Variants in FAM107B observed in about 807,000 individuals in gnomAD.
FAM107B encodes the protein family with sequence similarity 107 member B.
FAM107B carries 21 observed loss-of-function variants against 31.5 expected under a neutral mutation model. That is an observed-to-expected ratio of 0.67 (90% CI 0.47 to 0.96). The LOEUF is 0.96. Among genes scored for constraint, FAM107B ranks in the 40% least tolerant of loss-of-function variants. FAM107B has a pLI of 0.00. For missense variants in FAM107B, 452 were observed against 377.1 expected (o/e 1.20, Z -1.64); for synonymous variants, 157 against 141.5 (o/e 1.11, Z -0.78).
At chr10:14,528,757 T>TA (rs372193240) in intron 3 of FAM107B, among the ~76,000 whole-genome samples, 1 of 152,168 alleles carries the variant, frequency 6.6e-6, no homozygotes, top group African/African-American at 2.4e-5. Context: ...GCCCTTTCTC[T>TA]AAAAAATGTG....
chr10:14,618,365 C>T (rs1852906165), intron 2 of FAM107B, among the ~76,000 whole-genome samples: 1 of 152,124 alleles, frequency 6.6e-6, no homozygotes, highest in Admixed American at 6.5e-5. Context: ...ATAAACATCT[C>T]ACACAGGTCT....
At chr10:14,741,174 C>A (rs1287826319) in intron 1 of FAM107B, among the ~76,000 whole-genome samples, 2 of 152,038 alleles carry the variant, frequency 1.3e-5, no homozygotes, top group African/African-American at 2.4e-5. Flanking sequence ...GGGGCAGGAA[C>A]CTGGGCTACA....
intron 1 of FAM107B, among the ~76,000 whole-genome samples, chr10:14,679,459 C>G (rs1164147266): frequency 6.6e-6 from 1 of 152,136 alleles, no homozygotes; most frequent in Admixed American, 6.5e-5. Context: ...ACTTAATGTC[C>G]TAGCAGGATT....
rs531081605 is a variant in FAM107B, at chr10:14,689,284, G to A, written c.412-21593C>T. ...AGTCCCAGCTCCTCAGGAGGCTGAG[G>A]TGGGAGGATTGCTTGAACCCAGGAG... On this transcript the variant is annotated intron_variant, in intron 1 of 4. Transcript: ENST00000181796. Among the ~76,000 whole-genome samples, 126 of 151,884 alleles carry A rather than the reference G, an allele frequency of 8.3e-4. 1 individual carries two copies. Among genetic ancestry groups the A allele is most frequent in the African/African-American group, 2.9e-3 (119 of 41,378 alleles).
At chr10:14,767,037 TATATATATATATATATATAGAGAGAGAG>T (rs1257289138) in intron 1 of FAM107B, among the ~76,000 whole-genome samples, 1 of 31,148 alleles carries the variant, frequency 3.2e-5, no homozygotes, top group Non-Finnish European at 7.4e-5. Context: ...TATATATATA[TATATATATATATATATATAGAGAGAGAG>T]AGAGAGAGAG....
chr10:14,771,417 G>A (rs143638781), intron 1 of FAM107B, among the ~76,000 whole-genome samples: 188 of 152,276 alleles, frequency 1.2e-3, no homozygotes, highest in African/African-American at 3.3e-3. Context: ...TCGATAGTAC[G>A]GTGGAGAAGT....
In FAM107B at chr10:14,762,612, T is replaced by C. The variant is rs138474955; in HGVS notation, c.411+11641A>G. ...TCTACTAAAAAGTACATAAATTAGC[T>C]GGGCATGGTTGCACACACCTGTAAT... is the stretch of plus-strand genomic sequence containing the variant. On this transcript the variant is annotated intron_variant, in intron 1 of 4. Transcript: ENST00000181796. Among the ~76,000 whole-genome samples, 920 of 151,806 alleles carry C rather than the reference T, an allele frequency of 6.1e-3. 5 individuals carry two copies. The highest frequency in any genetic ancestry group is 0.041 in the South Asian group (195 of 4,790).
intron 2 of FAM107B, among the ~76,000 whole-genome samples, chr10:14,633,054 C>T (rs1456088214): frequency 6.6e-6 from 1 of 152,064 alleles, no homozygotes; most frequent in Non-Finnish European, 1.5e-5. Flanking sequence ...CAAAAATTAG[C>T]TGGGCGTAGT....
chr10:14,766,913 G>A (rs2131596184), intron 1 of FAM107B, among the ~76,000 whole-genome samples: 1 of 149,014 alleles, frequency 6.7e-6, no homozygotes, highest in South Asian at 2.2e-4. Flanking sequence ...CCAAAGAACT[G>A]AAGAGGAGGG....
intron 1 of FAM107B, among the ~76,000 whole-genome samples, chr10:14,744,900 CTTTG>C (rs983385286): frequency 2.0e-5 from 3 of 151,878 alleles, no homozygotes; most frequent in African/African-American, 4.8e-5. Context: ...CTGGGTAGTT[CTTTG>C]TTTGTTTTTT....
intron 1 of FAM107B, among the ~76,000 whole-genome samples, chr10:14,727,638 C>T (rs1856068226): frequency 6.6e-6 from 1 of 152,210 alleles, no homozygotes; most frequent in African/African-American, 2.4e-5. Flanking sequence ...TTACATTCTT[C>T]TTAGAGGTTC....
intron 1 of FAM107B, among the ~76,000 whole-genome samples, chr10:14,749,864 C>A (rs979244650): frequency 1.3e-5 from 2 of 152,162 alleles, no homozygotes; most frequent in African/African-American, 4.8e-5. Flanking sequence ...GCCACTAGCA[C>A]GTCCACAAAG....
chr10:14,723,795 C>T (rs1347013622), intron 1 of FAM107B: 1 of 758,086 alleles, frequency 1.3e-6, no homozygotes. Flanking sequence ...CAAACTTCAG[C>T]AGGGCCCTCT....
chr10:14,553,156 T>C (rs1849410871), intron 2 of FAM107B, among the ~76,000 whole-genome samples: 1 of 152,178 alleles, frequency 6.6e-6, no homozygotes, highest in Admixed American at 6.5e-5. Flanking sequence ...TCTCCAATTG[T>C]TAAAAAATAA....
At chr10:14,595,927 C>G (rs1852174633) in intron 2 of FAM107B, among the ~76,000 whole-genome samples, 1 of 152,204 alleles carries the variant, frequency 6.6e-6, no homozygotes, top group African/African-American at 2.4e-5. Flanking sequence ...TGGCCCTCCA[C>G]AACCACAGGG....
intron 2 of FAM107B, among the ~76,000 whole-genome samples, chr10:14,648,431 C>T (rs1853820616): frequency 6.6e-6 from 1 of 152,180 alleles, no homozygotes; most frequent in South Asian, 2.1e-4. Context: ...TGTGTTCATA[C>T]CCAGCGAACT....
intron 2 of FAM107B, among the ~76,000 whole-genome samples, chr10:14,579,520 T>C (rs1325465627): frequency 6.6e-6 from 1 of 152,232 alleles, no homozygotes; most frequent in Non-Finnish European, 1.5e-5. Context: ...GGCTGGTAAC[T>C]GCCCTAAAAT....
At chr10:14,681,905 G>A (rs11259268) in intron 1 of FAM107B, among the ~76,000 whole-genome samples, 21,043 of 152,172 alleles carry the variant, frequency 0.14, 1,762 homozygotes, top group South Asian at 0.28. Context: ...GTTTAGTGTC[G>A]TGGTTGATAT....
intron 2 of FAM107B, chr10:14,604,461 A>AGCGGGGCGGCGC (rs1443134166): frequency 1.3e-5 from 2 of 152,434 alleles, no homozygotes; most frequent in African/African-American, 4.9e-5. Flanking sequence ...CGGGGCGGCA[A>AGCGGGGCGGCGC]GGCCACGCCC....
Sources: allele counts gnomAD v4.1 joint callset (sites outside exome capture counted in the v4.1 genomes callset), GRCh38; gene constraint gnomAD v4.1.1; transcripts MANE v1.5; gene names NCBI Gene and HGNC (gene_info 2026-07-23, HGNC 2026-07-21).